MKI67: variants seen among roughly 807,000 people sequenced by gnomAD.
MKI67 encodes proliferation marker protein Ki-67.
Under a neutral mutation model 233.5 loss-of-function variants are expected in MKI67, and 152 were observed. That is an observed-to-expected ratio of 0.65 (90% CI 0.57 to 0.74). The LOEUF (loss-of-function observed/expected upper bound fraction) is 0.74. Among genes scored for constraint, MKI67 ranks in the 30% least tolerant of loss-of-function variants. The pLI is 0.00. For synonymous variants in MKI67, 1,465 were observed against 1,418.5 expected (o/e 1.03, Z -0.74); for missense variants, 3,940 against 3,885.2 (o/e 1.01, Z -0.37).
chr10:128,114,174 A>G lies in MKI67; in HGVS notation c.1481-572T>C, dbSNP rs181372877. On this transcript the variant is annotated intron_variant, in intron 7 of 14. Transcript: ENST00000368654. Reference sequence around the variant, plus strand: ...ATCGACAGCCTCATGCCCCACCGCTATAGGCCACCTGCAGAAACACAGCCT... The same window carrying G: ...ATCGACAGCCTCATGCCCCACCGCTGTAGGCCACCTGCAGAAACACAGCCT... Among the ~76,000 whole-genome samples, 6 of 152,310 alleles carry G rather than the reference A, an allele frequency of 3.9e-5. No homozygotes were observed. In the East Asian group the frequency reaches 5.8e-4, roughly 15 times the overall value.
intron 7 of MKI67, 42 bp downstream of exon 7, chr10:128,114,886 T>C: frequency 6.7e-7 from 1 of 1,494,614 alleles, no homozygotes; most frequent in Non-Finnish European, 9.0e-7. Flanking sequence ...ATAGAAGGTG[T>C]TCATCTTTTA....
At position 128,115,539 on chromosome 10, in the gene MKI67, C is replaced by T. The variant is rs145509852; in HGVS notation, c.869G>A (p.Arg290His). Residue 290 changes from arginine to histidine, a missense_variant, in exon 7 of 15, where the codon CGT becomes CAT. Physicochemically the swap from Arg to His is conservative, Grantham distance 29. Transcript: ENST00000368654. ...CCCACCAGATTTTGGTCTTGACTTA[C>T]GCGAGACCAACAGTTGGGTCTCCCC... Reference protein sequence around the residue: ...LQGETQLLVSRKSRPKSGGSG... With the variant: ...LQGETQLLVSHKSRPKSGGSG... 879 of 1,614,212 alleles carry T rather than the reference C, an allele frequency of 5.4e-4. 7 individuals carry two copies. In the African/African-American group the frequency reaches 0.01, roughly 19 times the overall value.
At position 128,103,930 on chromosome 10, in the gene MKI67, G is replaced by A. The variant is rs1230590147; in HGVS notation, c.7910C>T (p.Ala2637Val). ...TACTTTGATGCCCTCATCACCGCTT[G>A]CTGGTTCTTTGTGTGTGTGTGTGCT... The part of the protein sequence containing the change: ...GQSTHTHKEP[A>V]SGDEGIKVLK... Residue 2637 changes from alanine to valine, a missense_variant, in exon 13 of 15, where the codon GCA becomes GTA. Coordinates refer to ENST00000368654, the MANE Select transcript of MKI67 (RefSeq NM_002417.5). The A allele has an allele frequency of 6.2e-7, 1 of 1,613,992 alleles. No individual in the cohort carries two copies. The highest frequency in any genetic ancestry group is 1.3e-5 in the African/African-American group (1 of 74,984).
chr10:128,097,273 T>G lies in MKI67; in HGVS notation c.*1917A>C, dbSNP rs1852230903. On this transcript the variant is annotated 3_prime_UTR_variant, in exon 15 of 15. Transcript: ENST00000368654. ...AGGGGAATGGGCAGTATTTGTCAGA[T>G]CTCTCCCTCCCCCAGTACCAAGGAG... 1 of 152,068 alleles carries G rather than the reference T, an allele frequency of 6.6e-6. No homozygotes were observed. The highest frequency in any genetic ancestry group is 2.4e-5 in the African/African-American group (1 of 41,398). The allele number at this position is 152,068 out of a possible 1,614,324, so 9.4% of individuals were successfully genotyped here. A position where few individuals can be genotyped will look rare whatever the true frequency, so the allele number is the denominator to read the frequency against.
rs552086779 is a variant in MKI67 at position 128,120,481 on chromosome 10, G to C, written c.288-1162C>G. Among the ~76,000 whole-genome samples, 94 of 152,082 alleles carry C rather than the reference G, an allele frequency of 6.2e-4. No individual in the cohort carries two copies. In the South Asian group the frequency reaches 0.019, roughly 31 times the overall value. On this transcript the variant is annotated intron_variant, in intron 4 of 14. Transcript: ENST00000368654. ...CACTCCAGCCTGGGTGACAGAGCAA[G>C]ACTCTGTCTCAAAAACAAACAAACA...
At position 128,106,554 on chromosome 10, in the gene MKI67, T is replaced by C; in HGVS notation, c.5286A>G (p.Ala1762=). The C allele has an allele frequency of 6.2e-7, 1 of 1,614,180 alleles. No individual in the cohort carries two copies. The highest frequency in any genetic ancestry group is 8.5e-7 in the Non-Finnish European group (1 of 1,180,004). The change falls in exon 13 of 15, where the codon GCA becomes GCG. Residue 1762 remains alanine (A), a synonymous_variant. Transcript: ENST00000368654. ...KPQPKRSLRK[A]DTEEEFLAFR... is the part of the protein sequence containing the mutation. The stretch of plus-strand genomic sequence containing the variant: ...ATGCTAAAAATTCTTCTTCAGTGTC[T>C]GCTTTCCTGAGACTTCTCTTGGGCT...
intron 14 of MKI67, 88 bp downstream of exon 14, chr10:128,101,170 T>C: frequency 7.9e-7 from 1 of 1,258,248 alleles, no homozygotes; most frequent in East Asian, 2.3e-5. Context: ...TTGAAGATAA[T>C]GCTTTTTGTT....
rs766945778 is a variant in MKI67 at position 128,105,923 on chromosome 10, C to T, written c.5917G>A (p.Asp1973Asn). ...CAGGATACTTCTGTGATTTTGTCAT[C>T]GGTCATTGATTCCTCAGTGTGACCT... ...TPGHTEESMTDDKITEVSCKS... is the reference protein window; with the variant it reads ...TPGHTEESMTNDKITEVSCKS... The change falls in exon 13 of 15, where the codon GAT becomes AAT. Residue 1973 changes from aspartate (D) to asparagine (N), a missense_variant. Coordinates refer to ENST00000368654, the MANE Select transcript of MKI67 (RefSeq NM_002417.5). 4 of 1,613,952 alleles carry T rather than the reference C, an allele frequency of 2.5e-6. No individual in the cohort carries two copies. Among genetic ancestry groups the T allele is most frequent in the African/African-American group, 1.3e-5 (1 of 74,936 alleles).
In MKI67 at chr10:128,103,127, G is replaced by A; in HGVS notation, c.8713C>T (p.Pro2905Ser). 1 of 1,614,186 alleles carries A rather than the reference G, an allele frequency of 6.2e-7. No individual in the cohort carries two copies. The highest frequency in any genetic ancestry group is 1.1e-5 in the South Asian group (1 of 91,082). Residue 2905 changes from proline (P) to serine (S), a missense_variant, in exon 13 of 15, where the codon CCA becomes TCA. Pro to Ser is a moderately conservative substitution (Grantham distance 74, BLOSUM62 -1). Transcript: ENST00000368654. ...AEDVIGSRRQ[P>S]RAPKEKAQPL... Reference sequence around the variant, plus strand: ...TGGGCCTTTTCCTTAGGTGCTCTTGGCTGTCTCCTGCTGCCAATTACATCT... The same window carrying A: ...TGGGCCTTTTCCTTAGGTGCTCTTGACTGTCTCCTGCTGCCAATTACATCT...
At chr10:128,111,388 T>A in intron 11 of MKI67, 1 of 388,434 alleles carries the variant, frequency 2.6e-6, no homozygotes, top group South Asian at 5.3e-5. Context: ...TACGCTGCTC[T>A]CCAGGGTAAA....
Position 128,115,907 on chromosome 10 carries a change from G to T in MKI67, c.501C>A (p.Thr167=). 1 of 1,610,556 alleles carries T rather than the reference G, an allele frequency of 6.2e-7. No individual in the cohort carries two copies. The change falls in exon 7 of 15, where the codon ACC becomes ACA. Residue 167 remains threonine, a synonymous_variant. Coordinates refer to ENST00000368654, the MANE Select transcript of MKI67 (RefSeq NM_002417.5). ...VHIKNVKEDS[T]ADDSKDSVAQ... ...CAACACTGTCTTTTGAGTCATCTGC[G>T]GTACTGTCTTCTTTGACATTCTTGA...
chr10:128,121,534 T>A (rs10829328), intron 4 of MKI67, among the ~76,000 whole-genome samples: 12 of 137,092 alleles, frequency 8.8e-5, no homozygotes, highest in African/African-American at 1.6e-4. Flanking sequence ...ATATTATATA[T>A]TATATTATAA....
Position 128,125,771 on chromosome 10 carries a change from CG to C in MKI67, c.-89-16del, listed in dbSNP as rs1362647186. 26 of 952,644 alleles carry C rather than the reference CG, an allele frequency of 2.7e-5. No individual in the cohort carries two copies. Among genetic ancestry groups the C allele is most frequent in the Non-Finnish European group, 4.4e-5 (26 of 589,930 alleles). 59.0% of individuals were successfully genotyped at this position (952,644 alleles called of 1,614,324 possible). On this transcript the variant is annotated splice_polypyrimidine_tract_variant and intron_variant, in intron 1 of 14. Coordinates refer to ENST00000368654, the MANE Select transcript of MKI67 (RefSeq NM_002417.5). This position sits in a 1 kb window ranked among gnomAD's most constrained non-coding sequence, Gnocchi z 5.3. The stretch of plus-strand genomic sequence containing the variant: ...CAACTCTTCCACTGCAAAAGAGGTG[CG>C]AGTTACTCTGATAGCAAAGGAGCTA...
In MKI67 at chr10:128,104,887, C is replaced by T; in HGVS notation, c.6953G>A (p.Gly2318Asp). 6.2e-7 allele frequency: 1 copy of T among 1,611,112 alleles called. No homozygotes were observed. Among genetic ancestry groups the T allele is most frequent in the Non-Finnish European group, 8.5e-7 (1 of 1,179,324 alleles). The part of the protein sequence containing the change: ...EKAQALEDLA[G>D]FKELFQTPGT... ...TGGTGTCTGGAAGAGCTCTTTGAAG[C>T]CAGCCAGGTCTTCTAGAGCCTGGGC... Residue 2318 changes from glycine to aspartate, a missense_variant, in exon 13 of 15, where the codon GGC becomes GAC. Gly to Asp is a moderately conservative substitution (Grantham distance 94). Transcript: ENST00000368654.
Position 128,099,266 on chromosome 10 carries a change from A to C in MKI67, c.9706-11T>G, listed in dbSNP as rs1231487550. 2 of 1,608,304 alleles carry C rather than the reference A, an allele frequency of 1.2e-6. No homozygotes were observed. Among genetic ancestry groups the C allele is most frequent in the South Asian group, 1.1e-5 (1 of 89,806 alleles). ...CACATTGTCCTCAGCCTGTGTGGGA[A>C]GAAAAAAAATAGAACTCTTAAGTAA... On this transcript the variant is annotated splice_polypyrimidine_tract_variant and intron_variant, in intron 14 of 14. Coordinates refer to ENST00000368654, the MANE Select transcript of MKI67 (RefSeq NM_002417.5).
Position 128,114,913 on chromosome 10 carries a change from A to G in MKI67, c.1480+15T>C, listed in dbSNP as rs1852764725. On this transcript the variant is annotated intron_variant, in intron 7 of 14. Transcript: ENST00000368654. ...CATCTTTTAGAAAAATAAATTTACA[A>G]TTAAATAAACTTACTAATGGAATCA... 1 of 1,529,468 alleles carries G rather than the reference A, an allele frequency of 6.5e-7. No homozygotes were observed. The highest frequency in any genetic ancestry group is 8.8e-7 in the Non-Finnish European group (1 of 1,139,522). The allele number at this position is 1,529,468 out of a possible 1,614,324, so 94.7% of individuals were successfully genotyped here.
intron 7 of MKI67, among the ~76,000 whole-genome samples, chr10:128,114,649 G>T (rs962846118): frequency 8.5e-5 from 13 of 152,180 alleles, no homozygotes; most frequent in Non-Finnish European, 1.8e-4. Flanking sequence ...AGATGGAGGA[G>T]AATCAAATAT....
At chr10:128,099,301 C>A in intron 14 of MKI67, 46 bp from the exon 15 acceptor site, 1 of 1,514,092 alleles carries the variant, frequency 6.6e-7, no homozygotes, top group South Asian at 1.2e-5. Flanking sequence ...ATTTAAACAC[C>A]CATTTTTAGA....
In MKI67 at chr10:128,115,112, A is replaced by G; in HGVS notation, c.1296T>C (p.Val432=). 6.2e-7 allele frequency: 1 copy of G among 1,614,170 alleles called. No individual in the cohort carries two copies. Among genetic ancestry groups the G allele is most frequent in the Non-Finnish European group, 8.5e-7 (1 of 1,179,994 alleles). The change falls in exon 7 of 15, where the codon GTT becomes GTC. Residue 432 remains valine, a synonymous_variant. Coordinates refer to ENST00000368654, the MANE Select transcript of MKI67 (RefSeq NM_002417.5). ...TGTGAATTTCAGTTTCCGTAGGCAG[A>G]ACTTCCACATCTGTAGGAATACTTC... The part of the protein sequence containing the change: ...TRGSIPTDVE[V]LPTETEIHNE...
Sources: allele counts gnomAD v4.1 joint callset (sites outside exome capture counted in the v4.1 genomes callset), GRCh38; gene constraint gnomAD v4.1.1; non-coding constraint Gnocchi (gnomAD v3.1); transcripts MANE v1.5; gene names NCBI Gene and HGNC (gene_info 2026-07-23, HGNC 2026-07-21).